SDK1: variants seen among roughly 807,000 people sequenced by gnomAD.
SDK1 encodes protein sidekick-1.
SDK1 carries 157 observed loss-of-function variants against 245.5 expected under a neutral mutation model. That is an observed-to-expected ratio of 0.64 (90% CI 0.56 to 0.73). The LOEUF is 0.73. Ranked by LOEUF, SDK1 falls within the 30% of genes least tolerant of loss-of-function variation. SDK1 has a pLI of 0.00. For missense variants in SDK1, 3,583 were observed against 3,002.3 expected, an observed-to-expected ratio of 1.19 and a Z score of -4.52; for synonymous variants, 1,647 against 1,278.5, an observed-to-expected ratio of 1.29 and a Z score of -6.15.
intron 5 of SDK1, among the ~76,000 whole-genome samples, chr7:3,849,261 C>A (rs759414477): frequency 1.1e-4 from 16 of 152,168 alleles, no homozygotes; most frequent in Non-Finnish European, 2.4e-4. Flanking sequence ...CGGAGATGCA[C>A]CCACTCCTGG....
At chr7:3,880,058 C>G (rs996641099) in intron 5 of SDK1, among the ~76,000 whole-genome samples, 3 of 152,104 alleles carry the variant, frequency 2.0e-5, no homozygotes, top group African/African-American at 7.2e-5. Flanking sequence ...AAAAATAATG[C>G]CGCCTTAATC....
chr7:4,240,927 G>A (rs553226445), intron 42 of SDK1, among the ~76,000 whole-genome samples: 4 of 152,334 alleles, frequency 2.6e-5, no homozygotes, highest in East Asian at 1.9e-4. Context: ...AAGATGACGC[G>A]GGGGTTTGCA....
At chr7:3,644,921 TG>T (rs1167580218) in intron 4 of SDK1, among the ~76,000 whole-genome samples, 1 of 151,124 alleles carries the variant, frequency 6.6e-6, no homozygotes, top group Non-Finnish European at 1.5e-5. Flanking sequence ...GGGGGAGAAT[TG>T]GTACCAGGGA....
At chr7:3,885,210 G>A (rs540936193) in intron 5 of SDK1, among the ~76,000 whole-genome samples, 20 of 152,280 alleles carry the variant, frequency 1.3e-4, no homozygotes, top group Non-Finnish European at 2.2e-4. Context: ...GCAGTCCCTA[G>A]TGGCTGGTTT....
intron 1 of SDK1, among the ~76,000 whole-genome samples, chr7:3,420,656 G>A (rs1354747123): frequency 1.3e-5 from 2 of 152,144 alleles, no homozygotes; most frequent in Admixed American, 6.5e-5. Context: ...ATAGCAAGTT[G>A]TTATTTTAGA....
chr7:3,470,298 A>G (rs1053047364), intron 1 of SDK1, among the ~76,000 whole-genome samples: 2 of 152,302 alleles, frequency 1.3e-5, no homozygotes, highest in Middle Eastern at 3.4e-3. Flanking sequence ...AGCAAACCTA[A>G]CAGATAGGTA....
At chr7:3,363,725 T>A (rs1219699624) in intron 1 of SDK1, among the ~76,000 whole-genome samples, 1 of 152,192 alleles carries the variant, frequency 6.6e-6, no homozygotes, top group Non-Finnish European at 1.5e-5. Flanking sequence ...TGTGCTCCTA[T>A]GAGAATCTAA....
intron 5 of SDK1, among the ~76,000 whole-genome samples, chr7:3,938,192 C>G (rs530808621): frequency 7.9e-5 from 12 of 152,198 alleles, no homozygotes; most frequent in Admixed American, 1.3e-4. Flanking sequence ...TGGTTACATT[C>G]TCAGCAACTT....
At chr7:3,860,669 T>C (rs1274930815) in intron 5 of SDK1, among the ~76,000 whole-genome samples, 1 of 152,156 alleles carries the variant, frequency 6.6e-6, no homozygotes, top group Non-Finnish European at 1.5e-5. Flanking sequence ...AGAGAGACAT[T>C]AAAATGACGT....
At chr7:3,680,225 A>T (rs1467092323) in intron 4 of SDK1, among the ~76,000 whole-genome samples, 9 of 152,176 alleles carry the variant, frequency 5.9e-5, no homozygotes, top group Non-Finnish European at 4.4e-5. Context: ...GTCCATTTAT[A>T]TTGCATTCTC....
At chr7:3,341,999 T>C (rs1780361170) in intron 1 of SDK1, among the ~76,000 whole-genome samples, 1 of 152,144 alleles carries the variant, frequency 6.6e-6, no homozygotes, top group Non-Finnish European at 1.5e-5. Context: ...ATAAAGCAGT[T>C]GGAATCACTC....
chr7:3,476,850 C>T (rs944747635), intron 1 of SDK1, among the ~76,000 whole-genome samples: 4 of 152,064 alleles, frequency 2.6e-5, no homozygotes, highest in Non-Finnish European at 4.4e-5. Context: ...GGGTGGTATT[C>T]GTGACTATTA....
chr7:3,883,744 C>T (rs1400085152), intron 5 of SDK1, among the ~76,000 whole-genome samples: 2 of 141,056 alleles, frequency 1.4e-5, no homozygotes, highest in Non-Finnish European at 3.1e-5. Context: ...GATCATCACT[C>T]TTCCTCCACG....
intron 25 of SDK1, among the ~76,000 whole-genome samples, chr7:4,115,037 T>C (rs1783612456): frequency 6.6e-6 from 1 of 152,224 alleles, no homozygotes; most frequent in Non-Finnish European, 1.5e-5. Context: ...CTTCTGGGCT[T>C]TGTGGACTAA....
chr7:3,414,236 C>CGGA (rs899180374), intron 1 of SDK1, among the ~76,000 whole-genome samples: 1 of 151,780 alleles, frequency 6.6e-6, no homozygotes. Flanking sequence ...GGTTGGGGTG[C>CGGA]GGAGGAGGAG....
At position 3,364,336 on chromosome 7, in the gene SDK1, G is replaced by T. The variant is rs998789775; in HGVS notation, c.298+62452G>T. The stretch of plus-strand genomic sequence containing the variant: ...TTCTTTTATGGGTCATGCTTTTGCT[G>T]TCGAGACTAAGAATTCTGCCTAGAC... On this transcript the variant is annotated intron_variant, in intron 1 of 44. Coordinates refer to ENST00000404826, the MANE Select transcript of SDK1 (RefSeq NM_152744.4). 3.3e-5 allele frequency among the ~76,000 whole-genome samples: 5 copies of T among 152,266 alleles called. No individual in the cohort carries two copies. The East Asian group carries it at 9.6e-4, about 29-fold the overall frequency.
intron 1 of SDK1, among the ~76,000 whole-genome samples, chr7:3,413,452 T>C (rs1779270047): frequency 6.6e-6 from 1 of 152,180 alleles, no homozygotes; most frequent in Non-Finnish European, 1.5e-5. Context: ...CCCAGCACTT[T>C]GGGAGGCCAA....
intron 4 of SDK1, among the ~76,000 whole-genome samples, chr7:3,766,367 G>A (rs1001997515): frequency 3.3e-5 from 5 of 151,922 alleles, no homozygotes; most frequent in African/African-American, 1.2e-4. Flanking sequence ...TTTCACTTCG[G>A]GGAAAAAAGC....
At chr7:3,481,364 T>G (rs543300342) in intron 1 of SDK1, among the ~76,000 whole-genome samples, 1 of 152,316 alleles carries the variant, frequency 6.6e-6, no homozygotes, top group South Asian at 2.1e-4. Context: ...ACAGTTTCGT[T>G]TATTGAGTGT....
Sources: allele counts gnomAD v4.1 joint callset (sites outside exome capture counted in the v4.1 genomes callset), GRCh38; gene constraint gnomAD v4.1.1; transcripts MANE v1.5; gene names NCBI Gene and HGNC (gene_info 2026-07-23, HGNC 2026-07-21).